Variants in CREB3L2 observed in about 807,000 individuals in gnomAD.
CREB3L2 encodes cAMP responsive element binding protein 3 like 2, also known as cyclic AMP-responsive element-binding protein 3-like protein 2.
A neutral mutation model predicts 57.2 loss-of-function variants in CREB3L2; 23 were observed. The ratio of observed to expected loss-of-function variants is 0.40; its 90% CI spans 0.29 to 0.57. CREB3L2 has a LOEUF of 0.57. CREB3L2 is among the 20% of genes least tolerant of loss of function. The pLI, the probability that CREB3L2 is intolerant of heterozygous loss-of-function variation, is 0.42. For missense variants in CREB3L2, 628 were observed against 634.7 expected (o/e 0.99, Z 0.11); for synonymous variants, 268 against 265.1 (o/e 1.01, Z -0.11).
chr7:137,955,491 C>G (rs1015658904), intron 1 of CREB3L2, among the ~76,000 whole-genome samples: 2 of 152,168 alleles, frequency 1.3e-5, no homozygotes. Flanking sequence ...TGTGAGGGCA[C>G]TTGGCATTTT....
intron 8 of CREB3L2, among the ~76,000 whole-genome samples, chr7:137,894,078 C>T (rs571137924): frequency 6.6e-6 from 1 of 152,268 alleles, no homozygotes; most frequent in African/African-American, 2.4e-5. Flanking sequence ...GCTGTGGATG[C>T]CAAGATGGAA....
At chr7:137,959,455 C>G (rs1041713016) in intron 1 of CREB3L2, among the ~76,000 whole-genome samples, 4 of 152,198 alleles carry the variant, frequency 2.6e-5, no homozygotes, top group African/African-American at 9.6e-5. Flanking sequence ...TGAGCACAGA[C>G]TCATAGGTGA....
chr7:137,934,979 A>G (rs1218450719), intron 1 of CREB3L2, among the ~76,000 whole-genome samples: 1 of 152,206 alleles, frequency 6.6e-6, no homozygotes, highest in Non-Finnish European at 1.5e-5. Flanking sequence ...ACTATCCCAT[A>G]AAGTTTTGTC....
intron 1 of CREB3L2, among the ~76,000 whole-genome samples, chr7:137,964,942 C>T (rs981237369): frequency 3.9e-5 from 6 of 152,198 alleles, no homozygotes; most frequent in African/African-American, 9.6e-5. Flanking sequence ...TCTGCCACCA[C>T]GTAAGACGTG....
chr7:137,882,246 G>A (rs1799308659), intron 11 of CREB3L2, among the ~76,000 whole-genome samples, 166 bp downstream of exon 11: 1 of 152,092 alleles, frequency 6.6e-6, no homozygotes, highest in South Asian at 2.1e-4. Context: ...GGCAACTGTT[G>A]GCCAGCAACA....
chr7:137,901,656 G>T (rs548307337), intron 7 of CREB3L2, among the ~76,000 whole-genome samples: 11 of 151,634 alleles, frequency 7.3e-5, no homozygotes, highest in African/African-American at 2.7e-4. Flanking sequence ...CGAAGCAGGC[G>T]GATCACAAGG....
chr7:137,964,868 C>A (rs1325446879), intron 1 of CREB3L2, among the ~76,000 whole-genome samples: 1 of 152,070 alleles, frequency 6.6e-6, no homozygotes, highest in African/African-American at 2.4e-5. Context: ...GTAGTGAATA[C>A]ATCTCATGAG....
rs142022578 is a variant in CREB3L2, at chr7:137,932,738, T to C, written c.103-4372A>G. On this transcript the variant is annotated intron_variant, in intron 1 of 11. Transcript: ENST00000330387. ...TACAAAGTTCCTACAAGTTCAAATA[T>C]GCCCAAGGTAAGAGGAAGATTCAAG... is the stretch of plus-strand genomic sequence containing the variant. Among the ~76,000 whole-genome samples the C allele has an allele frequency of 2.9e-4, 44 of 152,306 alleles. No homozygotes were observed. The East Asian group carries it at 5.6e-3, about 19-fold the overall frequency.
Position 137,908,348 on chromosome 7 carries a change from C to A in CREB3L2, c.672G>T (p.Leu224=). 1.6e-6 allele frequency: 2 copies of A among 1,258,808 alleles called. No individual in the cohort carries two copies. 78.0% of individuals were successfully genotyped at this position (1,258,808 alleles called of 1,614,324 possible). ...SEGSLSPNPR[L]HPFSLPQTHS... ...GGGTCTGAGGCAGGCTGAAGGGGTG[C>A]AGGCGTGGGTTGGGACTCAGGCTGC... The change falls in exon 5 of 12, where the codon CTG becomes CTT. Residue 224 remains leucine (L), a synonymous_variant. Coordinates refer to ENST00000330387, the MANE Select transcript of CREB3L2 (RefSeq NM_194071.4).
chr7:137,973,576 C>T (rs758961275), intron 1 of CREB3L2, among the ~76,000 whole-genome samples: 1 of 152,112 alleles, frequency 6.6e-6, no homozygotes, highest in Non-Finnish European at 1.5e-5. Flanking sequence ...CAGCACAGGG[C>T]CCATCCGACA....
chr7:137,889,637 G>A (rs900542915), intron 8 of CREB3L2, among the ~76,000 whole-genome samples: 1 of 152,132 alleles, frequency 6.6e-6, no homozygotes, highest in Non-Finnish European at 1.5e-5. Flanking sequence ...GAAAGTAAAC[G>A]GAACTGATGG....
chr7:137,948,628 T>C (rs1046904990), intron 1 of CREB3L2, among the ~76,000 whole-genome samples: 2 of 152,146 alleles, frequency 1.3e-5, no homozygotes, highest in African/African-American at 4.8e-5. Context: ...TTTAAGAGGA[T>C]CATCTTGGCT....
At chr7:137,959,887 T>G (rs1464152377) in intron 1 of CREB3L2, among the ~76,000 whole-genome samples, 1 of 152,224 alleles carries the variant, frequency 6.6e-6, no homozygotes, top group Admixed American at 6.5e-5. Context: ...GATAAAATAC[T>G]TATTTACCTC....
At chr7:137,972,984 G>C (rs1017059685) in intron 1 of CREB3L2, among the ~76,000 whole-genome samples, 1 of 150,788 alleles carries the variant, frequency 6.6e-6, no homozygotes, top group Non-Finnish European at 1.5e-5. Flanking sequence ...TCCCTATATA[G>C]GAAAGAAGCT....
chr7:137,949,257 C>T (rs1309256132), intron 1 of CREB3L2, among the ~76,000 whole-genome samples: 2 of 152,220 alleles, frequency 1.3e-5, no homozygotes, highest in Non-Finnish European at 2.9e-5. Context: ...GATACGGACC[C>T]GTGATGGGCA....
At chr7:137,890,974 C>A (rs748349325) in intron 8 of CREB3L2, among the ~76,000 whole-genome samples, 1 of 152,216 alleles carries the variant, frequency 6.6e-6, no homozygotes, top group Non-Finnish European at 1.5e-5. Flanking sequence ...TATTTTAAAT[C>A]ATCAGTGATC....
At chr7:137,884,949 G>C (rs765264701) in intron 10 of CREB3L2, 46 bp downstream of exon 10, 5 of 1,612,108 alleles carry the variant, frequency 3.1e-6, no homozygotes, top group Non-Finnish European at 3.4e-6. Context: ...CCCAGCTCTA[G>C]GGAAATAAAA....
At chr7:137,957,648 C>T in intron 1 of CREB3L2, 2 of 583,360 alleles carry the variant, frequency 3.4e-6, no homozygotes, top group Admixed American at 3.4e-5. Flanking sequence ...GATATTTTTT[C>T]TTCATTTTTA....
At chr7:137,991,318 C>G (rs1456902001) in intron 1 of CREB3L2, among the ~76,000 whole-genome samples, 1 of 151,136 alleles carries the variant, frequency 6.6e-6, no homozygotes, top group East Asian at 2.0e-4. Context: ...CACCCACCAC[C>G]ACACCTGGCT....
Sources: allele counts gnomAD v4.1 joint callset (sites outside exome capture counted in the v4.1 genomes callset), GRCh38; gene constraint gnomAD v4.1.1; transcripts MANE v1.5; gene names NCBI Gene and HGNC (gene_info 2026-07-23, HGNC 2026-07-21).